The following HEYL variants were observed in gnomAD, a reference collection of about 807,000 sequenced individuals.
The protein encoded by HEYL is hairy/enhancer-of-split related with YRPW motif-like protein.
A neutral mutation model predicts 18.6 loss-of-function variants in HEYL; 12 were observed. The ratio of observed to expected loss-of-function variants is 0.65; its 90% confidence interval spans 0.41 to 1.05. HEYL has a LOEUF of 1.05. Among genes scored for constraint, HEYL ranks in the 50% least tolerant of loss-of-function variants. The probability of loss-of-function intolerance (pLI) is 0.00; values close to 1 mark genes in which losing one functional copy is unlikely to be tolerated. For missense variants in HEYL, 420 were observed against 444.7 expected (o/e 0.94, Z 0.50); for synonymous variants, 159 against 179.6 (o/e 0.89, Z 0.91).
intron 4 of HEYL, 33 bp from the exon 5 acceptor site, chr1:39,627,213 G>C: frequency 6.3e-7 from 1 of 1,577,672 alleles, no homozygotes; most frequent in Non-Finnish European, 8.7e-7. Context: ...GGTCATGCCA[G>C]GTGTGGGGAG....
Position 39,632,717 on chromosome 1 carries a change from TG to T in HEYL, c.81-3del. 6.2e-7 allele frequency: 1 copy of T among 1,613,872 alleles called. No homozygotes were observed. The highest frequency in any genetic ancestry group is 8.5e-7 in the Non-Finnish European group (1 of 1,179,876). Reference sequence around the variant, plus strand: ...GTGGACAGCGGCCTGGCCATCTGGCTGGAAAGGAAAAGAAAAGCTGATTTTT... The same window carrying T: ...GTGGACAGCGGCCTGGCCATCTGGCTGAAAGGAAAAGAAAAGCTGATTTTT... On this transcript the variant is annotated splice_polypyrimidine_tract_variant and splice_region_variant and intron_variant, in intron 1 of 4. Coordinates refer to ENST00000372852, the MANE Select transcript of HEYL (RefSeq NM_014571.4).
At position 39,623,477 on chromosome 1, in the gene HEYL, C is replaced by T. The variant is rs765632241; in HGVS notation, c.*3030G>A. Among the ~76,000 whole-genome samples, 1 of 152,250 alleles carries T rather than the reference C, an allele frequency of 6.6e-6. No homozygotes were observed. The highest frequency in any genetic ancestry group is 6.5e-5 in the Admixed American group (1 of 15,284). On this transcript the variant is annotated 3_prime_UTR_variant, in exon 5 of 5. Transcript: ENST00000372852. ...TATTTATTGAACGCCAACTATGGACCAGGCCCTGTGCTCAATGCTGGGTAC... is the reference window on the plus strand; with the variant it reads ...TATTTATTGAACGCCAACTATGGACTAGGCCCTGTGCTCAATGCTGGGTAC...
chr1:39,628,902 C>A (rs191804512), intron 4 of HEYL, among the ~76,000 whole-genome samples: 2 of 106,374 alleles, frequency 1.9e-5, no homozygotes, highest in African/African-American at 1.1e-4. Context: ...GCGCCCGGCC[C>A]GCTGTTTTTT....
At chr1:39,629,327 C>T (rs914265710) in intron 4 of HEYL, among the ~76,000 whole-genome samples, 2 of 152,044 alleles carry the variant, frequency 1.3e-5, no homozygotes, top group African/African-American at 4.8e-5. Flanking sequence ...CCACTCTTAG[C>T]AATGCATTTT....
chr1:39,635,409 C>A (rs1216960033), intron 1 of HEYL, among the ~76,000 whole-genome samples: 2 of 152,254 alleles, frequency 1.3e-5, no homozygotes, highest in African/African-American at 4.8e-5. Flanking sequence ...CACTGCCTCT[C>A]AGCCTGATCC....
rs901182943 is a variant in HEYL at position 39,623,552 on chromosome 1, C to T, written c.*2955G>A. 1.3e-5 allele frequency among the ~76,000 whole-genome samples: 2 copies of T among 152,212 alleles called. No individual in the cohort carries two copies. The highest frequency in any genetic ancestry group is 2.9e-5 in the Non-Finnish European group (2 of 68,040). ...GCACCTGGCCTCATGAGCTTACACT[C>T]GAGTGGGAGGCACAGTCAACCAACA... On this transcript the variant is annotated 3_prime_UTR_variant, in exon 5 of 5. Coordinates refer to ENST00000372852, the MANE Select transcript of HEYL (RefSeq NM_014571.4).
chr1:39,629,305 A>AGATGGAAG, intron 4 of HEYL, among the ~76,000 whole-genome samples: 1 of 152,360 alleles, frequency 6.6e-6, no homozygotes, highest in Non-Finnish European at 1.5e-5. Context: ...GGTTCATTAG[A>AGATGGAAG]GATGGAAGTC....
chr1:39,633,961 G>C (rs1646349920), intron 1 of HEYL: 1 of 152,294 alleles, frequency 6.6e-6, no homozygotes, highest in African/African-American at 2.4e-5. Flanking sequence ...GTGACTGCAA[G>C]AGCTTCTTGT....
At chr1:39,631,406 G>A in intron 3 of HEYL, 90 bp downstream of exon 3, 1 of 1,046,066 alleles carries the variant, frequency 9.6e-7, no homozygotes, top group South Asian at 1.3e-5. Flanking sequence ...TCAGGCAGCT[G>A]CTACCAATCA....
intron 1 of HEYL, chr1:39,633,211 G>A: frequency 1.5e-6 from 1 of 663,550 alleles, no homozygotes. Context: ...GGTGCGGCCG[G>A]GGGCGAAGGG....
Position 39,638,850 on chromosome 1 carries a change from A to G in HEYL, c.80+696T>C, listed in dbSNP as rs567667147. On this transcript the variant is annotated intron_variant, in intron 1 of 4. Transcript: ENST00000372852. ...AACAGATAAGGAAACTGAAGCTTAG[A>G]CAGTTTACAGAACTGCGAGGTAGCA... Among the ~76,000 whole-genome samples the G allele has an allele frequency of 2.6e-5, 4 of 152,354 alleles. No homozygotes were observed. The East Asian group carries it at 7.7e-4, about 29-fold the overall frequency.
intron 4 of HEYL, among the ~76,000 whole-genome samples, chr1:39,627,409 G>A (rs1183574106): frequency 6.6e-6 from 1 of 152,210 alleles, no homozygotes; most frequent in Admixed American, 6.5e-5. Context: ...ACTAAACTAT[G>A]AAGCATTATA....
chr1:39,631,573 C>G lies in HEYL; in HGVS notation c.154G>C (p.Glu52Gln), dbSNP rs1375341120. ...QARKKHRGII[E>Q]KRRRDRINSS... ...TTGATGCGGTCTCGACGCCGTTTCT[C>G]TATGATCTAAACAATCATGACAAGA... Residue 52 changes from glutamate (E) to glutamine (Q), a missense_variant, in exon 3 of 5, where the codon GAG becomes CAG. Coordinates refer to ENST00000372852, the MANE Select transcript of HEYL (RefSeq NM_014571.4). 1 of 1,614,148 alleles carries G rather than the reference C, an allele frequency of 6.2e-7. No homozygotes were observed. The highest frequency in any genetic ancestry group is 2.2e-5 in the East Asian group (1 of 44,892).
At chr1:39,633,226 C>T (rs976288934) in intron 1 of HEYL, 10 of 540,414 alleles carry the variant, frequency 1.9e-5, no homozygotes, top group Admixed American at 1.3e-4. Context: ...GAAGGGGAGG[C>T]GGCATCTGGG....
intron 3 of HEYL, among the ~76,000 whole-genome samples, chr1:39,630,827 T>C (rs536231376): frequency 6.6e-6 from 1 of 152,364 alleles, no homozygotes; most frequent in African/African-American, 2.4e-5. Context: ...TCCTAAGCTT[T>C]CCAGGTGAAG....
In HEYL at chr1:39,632,720, A is replaced by T. The variant is rs760754989; in HGVS notation, c.81-5T>A. 2 of 1,613,920 alleles carry T rather than the reference A, an allele frequency of 1.2e-6. No homozygotes were observed. On this transcript the variant is annotated splice_polypyrimidine_tract_variant and splice_region_variant and intron_variant, in intron 1 of 4. Coordinates refer to ENST00000372852, the MANE Select transcript of HEYL (RefSeq NM_014571.4). ...GACAGCGGCCTGGCCATCTGGCTGG[A>T]AAGGAAAAGAAAAGCTGATTTTTCA...
chr1:39,634,458 T>A (rs7555381), intron 1 of HEYL, among the ~76,000 whole-genome samples: 5,619 of 152,282 alleles, frequency 0.037, 146 homozygotes, highest in Non-Finnish European at 0.061. Flanking sequence ...TGTCAACCCC[T>A]CTAGACTCAA....
chr1:39,636,258 C>CT (rs796907854), intron 1 of HEYL, among the ~76,000 whole-genome samples: 1,625 of 143,258 alleles, frequency 0.011, 20 homozygotes, highest in African/African-American at 0.035. Flanking sequence ...ACTCTAGTAG[C>CT]TTTTTTTTTT....
Position 39,627,062 on chromosome 1 carries a change from G to A in HEYL, c.432C>T (p.Pro144=), listed in dbSNP as rs765789947. Residue 144 remains proline (P), a synonymous_variant, in exon 5 of 5, where the codon CCC becomes CCT. Transcript: ENST00000372852. Reference sequence around the variant, plus strand: ...GGTGGGAGAGAAGGCGAATCCGGACGGGGTCTGCACGGCTGCTGGGCCCTT... The same window carrying A: ...GGTGGGAGAGAAGGCGAATCCGGACAGGGTCTGCACGGCTGCTGGGCCCTT... ...VLEGPSSRAD[P]VRIRLLSHLN... 2.0e-5 allele frequency: 33 copies of A among 1,614,058 alleles called. No homozygotes were observed. The highest frequency in any genetic ancestry group is 6.7e-5 in the Admixed American group (4 of 60,010).
Sources: gnomAD v4.1 joint callset for allele counts (sites outside exome capture counted in the v4.1 genomes callset) on GRCh38, gnomAD v4.1.1 for gene constraint, MANE v1.5 for transcripts, NCBI Gene and HGNC (gene_info 2026-07-23, HGNC 2026-07-21) for gene names.